Variants in LRRC37A2 observed in about 807,000 individuals in gnomAD.
LRRC37A2 encodes the protein leucine rich repeat containing 37 member A2.
In LRRC37A2, 9 loss-of-function variants were observed where a neutral mutation model predicts 68.8. That is an observed-to-expected ratio of 0.13 (90% CI 0.08 to 0.23). The LOEUF is 0.23. Ranked by LOEUF, LRRC37A2 falls within the 10% of genes least tolerant of loss-of-function variation. The pLI is 1.00. For missense variants in LRRC37A2, 168 were observed against 950.4 expected, an observed-to-expected ratio of 0.18 and a Z score of 10.82; for synonymous variants, 63 against 367.6, an observed-to-expected ratio of 0.17 and a Z score of 9.48.
At chr17:47,037,255 A>C in the LRRC37A2 span, among the ~76,000 whole-genome samples, 2 of 152,024 alleles carry the variant, frequency 1.3e-5, no homozygotes, top group Non-Finnish European at 2.9e-5. Flanking sequence ...ACGCCATTGC[A>C]CTCAAGCCTG....
the LRRC37A2 span, chr17:46,885,502 C>T: frequency 6.5e-6 from 1 of 153,928 alleles, no homozygotes; most frequent in Admixed American, 6.5e-5. Flanking sequence ...GGACTTTTAT[C>T]ATGTTGGCCA....
At chr17:46,834,492 CA>C in the LRRC37A2 span, among the ~76,000 whole-genome samples, 1 of 152,200 alleles carries the variant, frequency 6.6e-6, no homozygotes, top group Non-Finnish European at 1.5e-5. Context: ...GGCTTTACAA[CA>C]GGGGGTACGG....
the LRRC37A2 span, among the ~76,000 whole-genome samples, chr17:46,630,995 C>G: frequency 1.4e-5 from 2 of 138,046 alleles, no homozygotes; most frequent in Non-Finnish European, 3.0e-5. Flanking sequence ...CCAGCTTTAC[C>G]AATTGTCATA....
the LRRC37A2 span, among the ~76,000 whole-genome samples, chr17:46,905,910 A>G: frequency 6.6e-6 from 1 of 151,910 alleles, no homozygotes; most frequent in Admixed American, 6.6e-5. Context: ...CCCAGTGTGA[A>G]GGAAAGACCC....
the LRRC37A2 span, among the ~76,000 whole-genome samples, chr17:47,040,179 A>G: frequency 0.018 from 2,783 of 150,838 alleles, 69 homozygotes; most frequent in Middle Eastern, 0.075. Context: ...ATGGTGGCTC[A>G]TGCCTATAAT....
At chr17:46,697,145 A>G in the LRRC37A2 span, among the ~76,000 whole-genome samples, 1 of 147,510 alleles carries the variant, frequency 6.8e-6, no homozygotes, top group African/African-American at 2.6e-5. Flanking sequence ...TATTCACCTC[A>G]GAGTCTCCCA....
chr17:46,818,133 A>C, the LRRC37A2 span, among the ~76,000 whole-genome samples: 2 of 151,954 alleles, frequency 1.3e-5, no homozygotes, highest in African/African-American at 2.4e-5. Flanking sequence ...GAAGACCCCA[A>C]AATGGAGAAG....
At chr17:46,958,656 C>T in the LRRC37A2 span, among the ~76,000 whole-genome samples, 1 of 152,360 alleles carries the variant, frequency 6.6e-6, no homozygotes, top group South Asian at 2.1e-4. Context: ...GCATCGCCCT[C>T]CCACCACTCC....
the LRRC37A2 span, chr17:46,851,652 C>A: frequency 2.3e-6 from 3 of 1,284,002 alleles, no homozygotes; most frequent in African/African-American, 4.7e-5. This position sits in a 1 kb window ranked among gnomAD's most constrained non-coding sequence, Gnocchi z 4.3. Context: ...CGCCCCCCGC[C>A]CGCGCTGGCC....
chr17:46,801,291 C>T, the LRRC37A2 span, among the ~76,000 whole-genome samples: 2 of 152,158 alleles, frequency 1.3e-5, no homozygotes, highest in Non-Finnish European at 1.5e-5. Flanking sequence ...ACAGTCATAT[C>T]TGCTGCTGCT....
At chr17:46,580,712 AC>A in the LRRC37A2 span, among the ~76,000 whole-genome samples, 1 of 35,608 alleles carries the variant, frequency 2.8e-5, no homozygotes, top group Non-Finnish European at 5.6e-5. Context: ...AAAAACACGA[AC>A]AAAAAAAGTT....
chr17:46,871,559 A>T, the LRRC37A2 span, among the ~76,000 whole-genome samples: 1 of 152,304 alleles, frequency 6.6e-6, no homozygotes, highest in East Asian at 1.9e-4. Context: ...GCTAGCAGGA[A>T]GGTAGGCCTG....
chr17:46,923,386 A>T, the LRRC37A2 span: 1 of 1,465,142 alleles, frequency 6.8e-7, no homozygotes, highest in Non-Finnish European at 9.0e-7. Context: ...CGGGACTCCC[A>T]GGTCAGCCAC....
At chr17:46,545,598 G>C (rs1228656009) in intron 8 of LRRC37A2, among the ~76,000 whole-genome samples, 1 of 127,854 alleles carries the variant, frequency 7.8e-6, no homozygotes, top group Non-Finnish European at 1.6e-5. Flanking sequence ...TTACACTGAC[G>C]GTTGCAAAGT....
chr17:46,876,596 C>T, the LRRC37A2 span: 31 of 1,613,048 alleles, frequency 1.9e-5, no homozygotes, highest in Admixed American at 8.3e-5. Context: ...GTGCTGCGGG[C>T]GGGGCTATGA....
At chr17:46,727,012 A>C in the LRRC37A2 span, among the ~76,000 whole-genome samples, 1 of 152,178 alleles carries the variant, frequency 6.6e-6, no homozygotes, top group Non-Finnish European at 1.5e-5. Context: ...GAAATCTGCA[A>C]ATTCACTAAA....
chr17:46,898,317 T>C, the LRRC37A2 span, among the ~76,000 whole-genome samples: 2 of 151,404 alleles, frequency 1.3e-5, no homozygotes, highest in Non-Finnish European at 2.9e-5. Context: ...TCCAAACTGT[T>C]AACAACTGAA....
At chr17:47,023,166 G>A in the LRRC37A2 span, among the ~76,000 whole-genome samples, 9 of 152,134 alleles carry the variant, frequency 5.9e-5, no homozygotes, top group East Asian at 1.9e-4. Flanking sequence ...ATCTTTATAC[G>A]TTTGTTGAAC....
chr17:46,779,053 T>TCTCACACACACACACACA, the LRRC37A2 span, among the ~76,000 whole-genome samples: 26 of 100,668 alleles, frequency 2.6e-4, no homozygotes, highest in Middle Eastern at 6.9e-3. Flanking sequence ...CCCTACCCCA[T>TCTCACACACACACACACA]CACACACACA....
Sources: gnomAD v4.1 joint callset for allele counts (sites outside exome capture counted in the v4.1 genomes callset) on GRCh38, gnomAD v4.1.1 for gene constraint, Gnocchi (gnomAD v3.1) non-coding constraint, MANE v1.5 for transcripts, NCBI Gene and HGNC (gene_info 2026-07-23, HGNC 2026-07-21) for gene names.